WWOX: variants seen among roughly 807,000 people sequenced by gnomAD.
The protein encoded by WWOX is WW domain containing oxidoreductase, also known as WW domain-containing oxidoreductase.
WWOX carries 69 observed loss-of-function variants against 46.2 expected under a neutral mutation model. The ratio of observed to expected loss-of-function variants is 1.49; its 90% CI spans 1.23 to 1.82. The LOEUF (loss-of-function observed/expected upper bound fraction) is 1.82. WWOX is among the 40% of genes most tolerant of loss of function. The pLI is 0.00. For missense variants in WWOX, 919 were observed against 542.6 expected (o/e 1.69, Z -6.89); for synonymous variants, 359 against 202.6 (o/e 1.77, Z -6.56).
chr16:78,646,163 G>T (rs539685920), intron 8 of WWOX, among the ~76,000 whole-genome samples: 56 of 152,286 alleles, frequency 3.7e-4, no homozygotes, highest in African/African-American at 1.3e-3. Flanking sequence ...TTTCAGGGTA[G>T]AGCATGGATG....
intron 6 of WWOX, among the ~76,000 whole-genome samples, chr16:78,410,333 G>C (rs2082650222): frequency 6.6e-6 from 1 of 152,196 alleles, no homozygotes; most frequent in African/African-American, 2.4e-5. Flanking sequence ...TCTTACCCTT[G>C]ATCACGGTCT....
chr16:78,758,481 T>G (rs1363661287), intron 8 of WWOX, among the ~76,000 whole-genome samples: 1 of 152,222 alleles, frequency 6.6e-6, no homozygotes, highest in South Asian at 2.1e-4. Context: ...TACCACAGAT[T>G]GGAAGCAGGC....
At chr16:79,054,379 G>A (rs1011109464) in intron 8 of WWOX, among the ~76,000 whole-genome samples, 8 of 152,180 alleles carry the variant, frequency 5.3e-5, no homozygotes, top group African/African-American at 1.9e-4. Context: ...TGTACAGCTT[G>A]TTCAGTTGCA....
At chr16:79,149,144 A>G (rs1400840384) in intron 8 of WWOX, among the ~76,000 whole-genome samples, 2 of 152,196 alleles carry the variant, frequency 1.3e-5, no homozygotes, top group East Asian at 1.9e-4. Context: ...CCATTTCACC[A>G]CTAAATTTGA....
intron 8 of WWOX, among the ~76,000 whole-genome samples, chr16:78,847,389 T>C (rs1164902088): frequency 1.3e-5 from 2 of 152,220 alleles, no homozygotes; most frequent in African/African-American, 2.4e-5. Flanking sequence ...TGTTCATATA[T>C]TTATAACATA....
intron 8 of WWOX, among the ~76,000 whole-genome samples, chr16:78,870,320 A>G (rs547548149): frequency 5.9e-5 from 9 of 152,278 alleles, no homozygotes; most frequent in Non-Finnish European, 1.3e-4. Context: ...TTTTCATTCT[A>G]AGAATCATAA....
At chr16:78,374,801 C>T (rs931192585) in intron 5 of WWOX, among the ~76,000 whole-genome samples, 6 of 151,962 alleles carry the variant, frequency 3.9e-5, no homozygotes, top group African/African-American at 7.3e-5. Flanking sequence ...CCGTCTGCCT[C>T]GGCCTCCCAA....
At chr16:78,604,276 C>A (rs2738550) in intron 8 of WWOX, among the ~76,000 whole-genome samples, 8 of 152,086 alleles carry the variant, frequency 5.3e-5, no homozygotes, top group Non-Finnish European at 1.2e-4. Flanking sequence ...TTTTCTCTAC[C>A]ACACCAATGC....
intron 8 of WWOX, among the ~76,000 whole-genome samples, chr16:79,127,369 T>G (rs996645801): frequency 5.9e-5 from 9 of 152,196 alleles, no homozygotes; most frequent in Non-Finnish European, 1.3e-4. Flanking sequence ...CCCTTCACTT[T>G]GCTATACACA....
At chr16:78,878,124 C>T (rs780522448) in intron 8 of WWOX, among the ~76,000 whole-genome samples, 49 of 152,194 alleles carry the variant, frequency 3.2e-4, no homozygotes, top group Non-Finnish European at 5.3e-4. Flanking sequence ...GTTCGGAATA[C>T]AACTGCCCTG....
chr16:78,423,104 C>G (rs1371648820), intron 6 of WWOX, among the ~76,000 whole-genome samples: 1 of 151,830 alleles, frequency 6.6e-6, no homozygotes, highest in Non-Finnish European at 1.5e-5. Flanking sequence ...TCAGGCTGGT[C>G]TTGAACTTCT....
At chr16:78,800,384 C>G (rs1015510628) in intron 8 of WWOX, among the ~76,000 whole-genome samples, 2 of 152,206 alleles carry the variant, frequency 1.3e-5, no homozygotes, top group South Asian at 2.1e-4. Flanking sequence ...ATAGAGTGAC[C>G]AGCTGTCGTT....
At chr16:78,195,195 C>T (rs529008481) in intron 5 of WWOX, among the ~76,000 whole-genome samples, 10 of 152,300 alleles carry the variant, frequency 6.6e-5, no homozygotes, top group African/African-American at 2.4e-4. Context: ...CTCAGTCTCT[C>T]ATCTGGGAGG....
intron 8 of WWOX, among the ~76,000 whole-genome samples, chr16:78,724,331 G>T (rs1009038854): frequency 1.3e-5 from 2 of 152,110 alleles, no homozygotes; most frequent in South Asian, 4.1e-4. Flanking sequence ...GCATAAAAAA[G>T]AGACAGTTTT....
intron 8 of WWOX, among the ~76,000 whole-genome samples, chr16:78,492,638 A>G (rs934670160): frequency 5.9e-5 from 9 of 152,206 alleles, no homozygotes; most frequent in African/African-American, 2.2e-4. Flanking sequence ...TGAATTTATG[A>G]TGAAACTTTC....
intron 8 of WWOX, among the ~76,000 whole-genome samples, chr16:79,210,637 G>A (rs905337494): frequency 2.6e-5 from 4 of 152,184 alleles, no homozygotes; most frequent in Non-Finnish European, 5.9e-5. Context: ...ATCATAAGAT[G>A]CCAGATAAAC....
chr16:79,024,811 A>G (rs1054164736), intron 8 of WWOX, among the ~76,000 whole-genome samples: 2 of 151,920 alleles, frequency 1.3e-5, no homozygotes, highest in Non-Finnish European at 1.5e-5. Flanking sequence ...GCCTCAAGCA[A>G]TCCTCTCCTC....
At chr16:78,172,380 G>T (rs921211322) in intron 5 of WWOX, among the ~76,000 whole-genome samples, 1 of 152,136 alleles carries the variant, frequency 6.6e-6, no homozygotes, top group Non-Finnish European at 1.5e-5. Flanking sequence ...GCTCAGGGAA[G>T]ATTCTTTATC....
intron 8 of WWOX, among the ~76,000 whole-genome samples, chr16:79,151,605 A>C (rs1204224634): frequency 6.6e-6 from 1 of 152,238 alleles, no homozygotes; most frequent in Admixed American, 6.5e-5. Context: ...TATGGGCTGC[A>C]TGCCTTTCTC....
Sources: gnomAD v4.1 joint callset for allele counts (sites outside exome capture counted in the v4.1 genomes callset) on GRCh38, gnomAD v4.1.1 for gene constraint, MANE v1.5 for transcripts, NCBI Gene and HGNC (gene_info 2026-07-23, HGNC 2026-07-21) for gene names.